NTM: variants seen among roughly 807,000 people sequenced by gnomAD.
NTM encodes IgLON family member 2.
A neutral mutation model predicts 42.1 loss-of-function variants in NTM; 13 were observed. The observed-to-expected ratio is 0.31, with a 90% CI of 0.20 to 0.49. The LOEUF is 0.49. Among genes scored for constraint, NTM ranks in the 20% least tolerant of loss-of-function variants. NTM has a pLI of 0.99. For synonymous variants in NTM, 187 were observed against 179.2 expected (o/e 1.04, Z -0.35); for missense variants, 373 against 452.8 (o/e 0.82, Z 1.60).
At chr11:131,787,030 C>T (rs1320053513) in intron 1 of NTM, among the ~76,000 whole-genome samples, 5 of 152,114 alleles carry the variant, frequency 3.3e-5, no homozygotes, top group East Asian at 1.9e-4. Context: ...TCTTCACTTG[C>T]TATTGTGTTT....
Position 132,205,920 on chromosome 11 carries a change from A to G in NTM, c.401-6102A>G, listed in dbSNP as rs369461899. On this transcript the variant is annotated intron_variant, in intron 3 of 8. Transcript: ENST00000683400. ...TTAATCACACTAATGTTCTCCCCAAAAGTAGTTCCCCCTAGAAGGTCTAGG... is the reference window on the plus strand; with the variant it reads ...TTAATCACACTAATGTTCTCCCCAAGAGTAGTTCCCCCTAGAAGGTCTAGG... Among the ~76,000 whole-genome samples the G allele has an allele frequency of 4.7e-4, 72 of 152,140 alleles. 1 individual carries two copies. Among genetic ancestry groups the G allele is most frequent in the African/African-American group, 1.6e-3 (67 of 41,506 alleles).
intron 1 of NTM, among the ~76,000 whole-genome samples, chr11:131,735,574 G>C (rs1055770512): frequency 6.6e-6 from 1 of 152,202 alleles, no homozygotes; most frequent in Non-Finnish European, 1.5e-5. Context: ...GGCTAGTCTT[G>C]TTCCACATAT....
chr11:131,756,697 C>T (rs531852244), intron 1 of NTM, among the ~76,000 whole-genome samples: 9 of 151,678 alleles, frequency 5.9e-5, no homozygotes, highest in East Asian at 3.9e-4. Flanking sequence ...GTCTCACACA[C>T]AAAAAATTGC....
chr11:131,847,667 C>T (rs577820968), intron 1 of NTM, among the ~76,000 whole-genome samples: 2 of 152,198 alleles, frequency 1.3e-5, no homozygotes, highest in East Asian at 1.9e-4. Flanking sequence ...CCATTTCTTA[C>T]CTCTAGTATT....
intron 2 of NTM, among the ~76,000 whole-genome samples, chr11:132,103,406 A>G (rs1382228505): frequency 2.6e-5 from 4 of 152,196 alleles, no homozygotes; most frequent in Non-Finnish European, 5.9e-5. Context: ...CACCACTACA[A>G]ATACAGTCTC....
intron 1 of NTM, among the ~76,000 whole-genome samples, chr11:131,449,630 C>T (rs1194396759): frequency 6.6e-6 from 1 of 152,236 alleles, no homozygotes; most frequent in Non-Finnish European, 1.5e-5. Context: ...CAAACCCTCT[C>T]TTCTAATTCC....
intron 2 of NTM, among the ~76,000 whole-genome samples, chr11:132,038,205 C>T (rs1376645034): frequency 6.6e-6 from 1 of 152,156 alleles, no homozygotes; most frequent in African/African-American, 2.4e-5. Context: ...CTGAAGGCAA[C>T]CTGAATTTGT....
At chr11:132,196,287 C>T (rs933045180) in intron 3 of NTM, among the ~76,000 whole-genome samples, 11 of 151,996 alleles carry the variant, frequency 7.2e-5, no homozygotes, top group Non-Finnish European at 1.3e-4. Context: ...ATTAAAAAGT[C>T]GAAAAGCAAC....
intron 1 of NTM, among the ~76,000 whole-genome samples, chr11:131,473,380 G>A (rs1952629651): frequency 1.3e-5 from 2 of 152,252 alleles, no homozygotes; most frequent in South Asian, 4.1e-4. Flanking sequence ...ATCCTGATGG[G>A]GAGGGAGAGC....
At chr11:131,881,190 G>A (rs71483694) in intron 1 of NTM, among the ~76,000 whole-genome samples, 14,228 of 152,162 alleles carry the variant, frequency 0.094, 889 homozygotes, top group East Asian at 0.31. Flanking sequence ...TCTATTGTTT[G>A]TGATTTGTCT....
chr11:131,585,644 GGA>G (rs2137229237), intron 1 of NTM, among the ~76,000 whole-genome samples: 1 of 152,264 alleles, frequency 6.6e-6, no homozygotes, highest in Non-Finnish European at 1.5e-5. Context: ...GAAAGGCCAT[GGA>G]GTTTACATCC....
At chr11:131,973,831 G>A (rs902661685) in intron 2 of NTM, among the ~76,000 whole-genome samples, 5 of 151,978 alleles carry the variant, frequency 3.3e-5, no homozygotes, top group Admixed American at 6.6e-5. Context: ...AAACAACAAC[G>A]AAAAAAGAAG....
chr11:131,707,550 A>T (rs1439126887), intron 1 of NTM, among the ~76,000 whole-genome samples: 2 of 152,060 alleles, frequency 1.3e-5, no homozygotes, highest in African/African-American at 4.8e-5. Context: ...TTTTATTTTT[A>T]GTTTTGAAAG....
At chr11:131,851,878 A>G (rs972985131) in intron 1 of NTM, among the ~76,000 whole-genome samples, 1 of 152,154 alleles carries the variant, frequency 6.6e-6, no homozygotes, top group Non-Finnish European at 1.5e-5. Context: ...AGAAAAAAGC[A>G]AGGAGGAGGA....
intron 1 of NTM, among the ~76,000 whole-genome samples, chr11:131,610,526 G>T (rs1311309068): frequency 1.3e-5 from 2 of 152,206 alleles, no homozygotes; most frequent in Non-Finnish European, 2.9e-5. Flanking sequence ...TGTTCAGAAA[G>T]CTCTGCACCA....
intron 1 of NTM, among the ~76,000 whole-genome samples, chr11:131,905,417 C>T (rs1382011476): frequency 6.6e-6 from 1 of 152,194 alleles, no homozygotes; most frequent in African/African-American, 2.4e-5. Flanking sequence ...TGTATGAGCA[C>T]CGTCTGAGGC....
intron 4 of NTM, among the ~76,000 whole-genome samples, chr11:132,228,671 C>T (rs951566354): frequency 1.1e-4 from 17 of 152,178 alleles, no homozygotes; most frequent in African/African-American, 4.1e-4. Flanking sequence ...TGTTTTCCTC[C>T]ACATCATTCT....
At chr11:132,231,471 C>T (rs1417878893) in intron 4 of NTM, among the ~76,000 whole-genome samples, 2 of 152,136 alleles carry the variant, frequency 1.3e-5, no homozygotes, top group Admixed American at 6.5e-5. Flanking sequence ...GGTAAATTTA[C>T]AATTAGCAGC....
intron 2 of NTM, among the ~76,000 whole-genome samples, chr11:132,119,658 C>A (rs1433495309): frequency 6.6e-6 from 1 of 152,196 alleles, no homozygotes; most frequent in Non-Finnish European, 1.5e-5. Flanking sequence ...GATTTTCAGT[C>A]ACAATGGAAA....
Sources: allele counts gnomAD v4.1 joint callset (sites outside exome capture counted in the v4.1 genomes callset), GRCh38; gene constraint gnomAD v4.1.1; transcripts MANE v1.5; gene names NCBI Gene and HGNC (gene_info 2026-07-23, HGNC 2026-07-21).